Variants in GRM7 observed in about 807,000 individuals in gnomAD.
The protein encoded by GRM7 is glutamate metabotropic receptor 7, also known as metabotropic glutamate receptor 7.
A neutral mutation model predicts 84.5 loss-of-function variants in GRM7; 35 were observed. The observed-to-expected ratio is 0.41, with a 90% CI of 0.32 to 0.55. GRM7 has a LOEUF of 0.55. Among genes scored for constraint, GRM7 ranks in the 20% least tolerant of loss-of-function variants. GRM7 has a pLI of 0.19. For synonymous variants in GRM7, 487 were observed against 455.1 expected (o/e 1.07, Z -0.89); for missense variants, 1,003 against 1,194.6 (o/e 0.84, Z 2.36).
At chr3:7,108,469 CTT>C (rs1389741808) in intron 1 of GRM7, among the ~76,000 whole-genome samples, 38 of 150,620 alleles carry the variant, frequency 2.5e-4, no homozygotes, top group African/African-American at 9.0e-4. Flanking sequence ...TCAACTGTGA[CTT>C]TACAGTACCT....
chr3:7,108,346 G>T (rs1209603917), intron 1 of GRM7, among the ~76,000 whole-genome samples: 1 of 152,046 alleles, frequency 6.6e-6, no homozygotes, highest in Non-Finnish European at 1.5e-5. Flanking sequence ...GCACATGTAT[G>T]GACAGGCTTT....
intron 8 of GRM7, among the ~76,000 whole-genome samples, chr3:7,645,967 T>A (rs951753109): frequency 1.3e-5 from 2 of 152,204 alleles, no homozygotes; most frequent in African/African-American, 4.8e-5. Context: ...CAGAAGGACT[T>A]TTTGCTAAGC....
chr3:7,266,522 C>CA (rs1232780362), intron 2 of GRM7, among the ~76,000 whole-genome samples: 1 of 152,172 alleles, frequency 6.6e-6, no homozygotes, highest in Non-Finnish European at 1.5e-5. Flanking sequence ...ATGCAACAAA[C>CA]AAATCTCTGT....
chr3:7,097,636 T>C (rs1393165949), intron 1 of GRM7, among the ~76,000 whole-genome samples: 5 of 152,110 alleles, frequency 3.3e-5, no homozygotes, highest in African/African-American at 1.2e-4. Context: ...ATGTGACTAA[T>C]AAATAGAATT....
At chr3:7,096,675 A>C (rs1698872578) in intron 1 of GRM7, among the ~76,000 whole-genome samples, 1 of 152,126 alleles carries the variant, frequency 6.6e-6, no homozygotes, top group South Asian at 2.1e-4. Context: ...GTCCCCTCTG[A>C]GGAGGTCAGA....
intron 7 of GRM7, among the ~76,000 whole-genome samples, chr3:7,520,785 A>T (rs1210690849): frequency 6.6e-6 from 1 of 152,198 alleles, no homozygotes; most frequent in Non-Finnish European, 1.5e-5. Flanking sequence ...GAGGGAGATC[A>T]TCCAACTTGT....
intron 1 of GRM7, among the ~76,000 whole-genome samples, chr3:6,890,443 G>T (rs563430745): frequency 1.3e-5 from 2 of 151,974 alleles, no homozygotes; most frequent in South Asian, 2.1e-4. Context: ...CTTTGTTCTC[G>T]TTGGTTTCAA....
intron 7 of GRM7, among the ~76,000 whole-genome samples, chr3:7,487,526 C>T (rs565263638): frequency 6.6e-6 from 1 of 152,276 alleles, no homozygotes; most frequent in African/African-American, 2.4e-5. Flanking sequence ...CTAGTTGCTG[C>T]TCCTCACGTC....
intron 1 of GRM7, among the ~76,000 whole-genome samples, chr3:7,111,767 G>T (rs1263117960): frequency 6.6e-6 from 1 of 152,030 alleles, no homozygotes; most frequent in Non-Finnish European, 1.5e-5. Flanking sequence ...TTAGCTACCT[G>T]GTTGTCTTCA....
intron 9 of GRM7, among the ~76,000 whole-genome samples, chr3:7,704,320 T>C (rs909148429): frequency 6.6e-6 from 1 of 152,234 alleles, no homozygotes; most frequent in Non-Finnish European, 1.5e-5. Flanking sequence ...TCAATTTATA[T>C]GCATAAAAGA....
At chr3:7,686,563 T>C (rs1700593845) in intron 9 of GRM7, 2 of 599,410 alleles carry the variant, frequency 3.3e-6, no homozygotes, top group Admixed American at 5.7e-5. Flanking sequence ...TAGGAAGAAA[T>C]GAATTTTCAA....
At chr3:7,337,744 ATAAAT>A (rs2125074242) in intron 4 of GRM7, among the ~76,000 whole-genome samples, 1 of 152,060 alleles carries the variant, frequency 6.6e-6, no homozygotes, top group East Asian at 1.9e-4. Flanking sequence ...TAATTAAAAA[ATAAAT>A]TAAAAAAAGA....
chr3:7,290,574 AGAAT>A (rs1699586108), intron 2 of GRM7, among the ~76,000 whole-genome samples: 1 of 152,202 alleles, frequency 6.6e-6, no homozygotes, highest in East Asian at 1.9e-4. Context: ...CATTCTGCTC[AGAAT>A]GAGAGGTGTG....
intron 9 of GRM7, chr3:7,681,888 T>A (rs1186760771): frequency 6.6e-6 from 1 of 152,336 alleles, no homozygotes; most frequent in Non-Finnish European, 1.5e-5. Context: ...GAAAATACTA[T>A]ATCAACTAAA....
intron 4 of GRM7, among the ~76,000 whole-genome samples, chr3:7,327,524 T>G (rs1313148128): frequency 2.0e-5 from 3 of 152,230 alleles, no homozygotes; most frequent in Non-Finnish European, 2.9e-5. Flanking sequence ...TATCTGTATT[T>G]ATTCATATAT....
intron 2 of GRM7, among the ~76,000 whole-genome samples, chr3:7,180,023 C>T (rs1283833178): frequency 1.3e-5 from 2 of 152,116 alleles, no homozygotes; most frequent in Non-Finnish European, 2.9e-5. Context: ...ATTTAATTGA[C>T]CTTAGAATCT....
chr3:7,645,980 T>C (rs1207511331), intron 8 of GRM7, among the ~76,000 whole-genome samples: 2 of 152,220 alleles, frequency 1.3e-5, no homozygotes, highest in Admixed American at 6.5e-5. Context: ...TGCTAAGCCC[T>C]CATTAACAAG....
intron 8 of GRM7, among the ~76,000 whole-genome samples, chr3:7,669,341 T>C (rs1332877938): frequency 6.6e-6 from 1 of 151,980 alleles, no homozygotes; most frequent in Non-Finnish European, 1.5e-5. Context: ...TAGGTAAAGA[T>C]GGGTGGGAAT....
At chr3:7,136,096 A>G (rs1359045564) in intron 1 of GRM7, among the ~76,000 whole-genome samples, 1 of 152,156 alleles carries the variant, frequency 6.6e-6, no homozygotes, top group African/African-American at 2.4e-5. Flanking sequence ...TTAGAAAGTG[A>G]AAGTGCGTCA....
Sources: gnomAD v4.1 joint callset for allele counts (sites outside exome capture counted in the v4.1 genomes callset) on GRCh38, gnomAD v4.1.1 for gene constraint, MANE v1.5 for transcripts, NCBI Gene and HGNC (gene_info 2026-07-23, HGNC 2026-07-21) for gene names.